The following TCF7L2 variants were observed in gnomAD, a reference collection of about 807,000 sequenced individuals.
TCF7L2 encodes transcription factor 7-like 2.
TCF7L2 carries 23 observed loss-of-function variants against 77.9 expected under a neutral mutation model. The ratio of observed to expected loss-of-function variants is 0.30; its 90% CI spans 0.21 to 0.42. TCF7L2 has a LOEUF of 0.42. Among genes scored for constraint, TCF7L2 ranks in the 10% least tolerant of loss-of-function variants. The pLI, the probability that TCF7L2 is intolerant of heterozygous loss-of-function variation, is 1.00. For synonymous variants in TCF7L2, 413 were observed against 340.2 expected (o/e 1.21, Z -2.36); for missense variants, 654 against 793.1 (o/e 0.82, Z 2.11).
chr10:113,165,928 AC>A lies in TCF7L2; in HGVS notation c.1768del (p.Gln590SerfsTer12). 1 of 1,556,988 alleles carries A rather than the reference AC, an allele frequency of 6.4e-7. No homozygotes were observed. The highest frequency in any genetic ancestry group is 2.0e-5 in the Admixed American group (1 of 51,252). On this transcript the variant is annotated frameshift_variant, in exon 14 of 14. Coordinates refer to ENST00000627217, the MANE Select transcript of TCF7L2 (RefSeq NM_001146274.2). LOFTEE classifies it high-confidence loss of function. ...ACATTCCCACAGCTCCCTGGCCGGG[AC>A]CCAGCCCCAGCCGCTGTCGCTCGTC...
chr10:113,058,196 C>A (rs1487919341), intron 5 of TCF7L2, among the ~76,000 whole-genome samples: 2 of 152,190 alleles, frequency 1.3e-5, no homozygotes, highest in Non-Finnish European at 2.9e-5. Context: ...CTTGTGACTG[C>A]CCAACAGGGC....
At chr10:113,165,501 C>G (rs185026541) in intron 13 of TCF7L2, 54 bp from the exon 15 acceptor site, 1 of 1,585,268 alleles carries the variant, frequency 6.3e-7, no homozygotes, top group Non-Finnish European at 8.6e-7. Flanking sequence ...AGGTAACTCT[C>G]TCCCTTGGCA....
intron 5 of TCF7L2, among the ~76,000 whole-genome samples, chr10:113,045,790 TTATC>T (rs1339539701): frequency 6.6e-6 from 1 of 152,240 alleles, no homozygotes; most frequent in African/African-American, 2.4e-5. Flanking sequence ...TTTTATTCAT[TTATC>T]TATGACTCAG....
chr10:113,090,278 T>C (rs1162883138), intron 5 of TCF7L2, among the ~76,000 whole-genome samples: 1 of 152,192 alleles, frequency 6.6e-6, no homozygotes, highest in African/African-American at 2.4e-5. Context: ...CAGCAAATGA[T>C]TTAGTACTAG....
chr10:113,119,446 A>G (rs908328919), intron 5 of TCF7L2, among the ~76,000 whole-genome samples: 4 of 152,196 alleles, frequency 2.6e-5, no homozygotes, highest in African/African-American at 7.2e-5. Context: ...GATGTGTCTT[A>G]AGGAAAGATA....
chr10:113,038,187 A>G (rs991726189), intron 4 of TCF7L2, among the ~76,000 whole-genome samples: 1 of 152,124 alleles, frequency 6.6e-6, no homozygotes, highest in African/African-American at 2.4e-5. Context: ...CAAGTCCTTC[A>G]GTGTTTGGGG....
At chr10:113,013,097 T>C (rs1159488883) in intron 4 of TCF7L2, among the ~76,000 whole-genome samples, 1 of 149,560 alleles carries the variant, frequency 6.7e-6, no homozygotes, top group Non-Finnish European at 1.5e-5. Flanking sequence ...ACCTCTCCCA[T>C]GGTTTATAAG....
intron 12 of TCF7L2, 87 bp downstream of exon 12, chr10:113,158,156 G>A: frequency 7.1e-7 from 1 of 1,411,902 alleles, no homozygotes; most frequent in Non-Finnish European, 9.8e-7. Flanking sequence ...GGAGGCAGGA[G>A]AAATTCAAGG....
intron 4 of TCF7L2, among the ~76,000 whole-genome samples, chr10:113,004,366 G>T (rs760830216): frequency 6.6e-6 from 1 of 152,162 alleles, no homozygotes; most frequent in African/African-American, 2.4e-5. Flanking sequence ...CTGCAGATGG[G>T]TGTGGAAGTT....
intron 4 of TCF7L2, among the ~76,000 whole-genome samples, chr10:112,965,397 T>C (rs1323357107): frequency 6.6e-6 from 1 of 152,200 alleles, no homozygotes. Flanking sequence ...CTGCCTGGCC[T>C]TGCTGGGATG....
At chr10:112,965,418 A>G (rs535660371) in intron 4 of TCF7L2, among the ~76,000 whole-genome samples, 1 of 152,344 alleles carries the variant, frequency 6.6e-6, no homozygotes, top group Non-Finnish European at 1.5e-5. Context: ...GATGTACCTC[A>G]TGGTGTAACT....
At chr10:113,073,099 C>CATGTGTGTGTGT (rs145753150) in intron 5 of TCF7L2, among the ~76,000 whole-genome samples, 1 of 103,962 alleles carries the variant, frequency 9.6e-6, no homozygotes, top group African/African-American at 4.3e-5. Context: ...AGGGCCAGGT[C>CATGTGTGTGTGT]GTGTGTGTGT....
chr10:113,117,295 C>G (rs965963851), intron 5 of TCF7L2, among the ~76,000 whole-genome samples: 1 of 151,814 alleles, frequency 6.6e-6, no homozygotes, highest in African/African-American at 2.4e-5. Context: ...GGAAAATAAT[C>G]AGGAAGATAT....
chr10:113,085,909 A>G (rs572560680), intron 5 of TCF7L2, among the ~76,000 whole-genome samples: 7 of 152,374 alleles, frequency 4.6e-5, no homozygotes, highest in African/African-American at 1.4e-4. Flanking sequence ...GATCTGGTGC[A>G]TTATGGAGAC....
intron 7 of TCF7L2, among the ~76,000 whole-genome samples, 176 bp downstream of exon 7, chr10:113,144,201 C>G (rs2068909432): frequency 6.6e-6 from 1 of 151,140 alleles, no homozygotes; most frequent in Admixed American, 6.6e-5. Flanking sequence ...AAAGGTGTTG[C>G]TGAGGTGTCC....
chr10:113,025,809 G>T (rs1403658353), intron 4 of TCF7L2, among the ~76,000 whole-genome samples: 1 of 152,116 alleles, frequency 6.6e-6, no homozygotes, highest in Admixed American at 6.5e-5. Context: ...CAAAGCCCCA[G>T]AAGTACTAAG....
At chr10:113,067,022 A>G (rs1263123668) in intron 5 of TCF7L2, among the ~76,000 whole-genome samples, 4 of 152,232 alleles carry the variant, frequency 2.6e-5, no homozygotes, top group East Asian at 1.9e-4. Context: ...TGTGTATTCT[A>G]TTGGAAAGAA....
At chr10:113,033,780 A>C (rs2134127165) in intron 4 of TCF7L2, among the ~76,000 whole-genome samples, 1 of 152,306 alleles carries the variant, frequency 6.6e-6, no homozygotes, top group Admixed American at 6.5e-5. Flanking sequence ...TTTTACTTAG[A>C]GCAAAGCAGC....
intron 5 of TCF7L2, among the ~76,000 whole-genome samples, chr10:113,049,193 C>G (rs1363854817): frequency 1.3e-5 from 2 of 152,036 alleles, no homozygotes; most frequent in African/African-American, 2.4e-5. Context: ...CGCTGCCCCC[C>G]CGCCCCCTGA....
Sources: gnomAD v4.1 joint callset for allele counts (sites outside exome capture counted in the v4.1 genomes callset) on GRCh38, gnomAD v4.1.1 for gene constraint, MANE v1.5 for transcripts, NCBI Gene and HGNC (gene_info 2026-07-23, HGNC 2026-07-21) for gene names.